The following ZNF362 variants were observed in gnomAD, a reference collection of about 807,000 sequenced individuals.
The protein encoded by ZNF362 is zinc finger protein 362.
ZNF362 carries 11 observed loss-of-function variants against 42.9 expected under a neutral mutation model. The observed-to-expected ratio is 0.26, with a 90% CI of 0.16 to 0.42. The LOEUF (loss-of-function observed/expected upper bound fraction) is 0.42. Among genes scored for constraint, ZNF362 ranks in the 20% least tolerant of loss-of-function variants. ZNF362 has a pLI of 1.00. For synonymous variants in ZNF362, 255 were observed against 257.3 expected (o/e 0.99, Z 0.09); for missense variants, 362 against 576.2 (o/e 0.63, Z 3.81).
At chr1:33,208,290 ATC>A in the ZNF362 span, among the ~76,000 whole-genome samples, 16 of 152,060 alleles carry the variant, frequency 1.1e-4, no homozygotes, top group African/African-American at 3.6e-4. Flanking sequence ...TGATCTATAT[ATC>A]TGTTTTGGTA....
intron 6 of ZNF362, among the ~76,000 whole-genome samples, chr1:33,290,866 T>G (rs1290666942): frequency 6.6e-6 from 1 of 152,276 alleles, no homozygotes; most frequent in African/African-American, 2.4e-5. Context: ...TGTCTTCTTT[T>G]GAGAAGTATC....
chr1:33,177,440 G>A, the ZNF362 span, among the ~76,000 whole-genome samples: 1,310 of 152,226 alleles, frequency 8.6e-3, 12 homozygotes, highest in African/African-American at 0.03. The surrounding 1 kb of genome is among the most constrained non-coding windows in gnomAD (Gnocchi z 4.1). Flanking sequence ...GCAAAGTGAC[G>A]TGACCAAGGA....
chr1:33,164,614 A>G, the ZNF362 span: 7 of 152,386 alleles, frequency 4.6e-5, no homozygotes, highest in African/African-American at 1.7e-4. Context: ...TTTGTTTCCC[A>G]AACCACGGTA....
the ZNF362 span, among the ~76,000 whole-genome samples, chr1:33,194,209 G>A: frequency 3.3e-5 from 5 of 152,128 alleles, no homozygotes; most frequent in Non-Finnish European, 7.4e-5. Flanking sequence ...ACAGAAAGCA[G>A]CACAAAGAGA....
chr1:33,147,146 C>A, the ZNF362 span: 2 of 1,601,976 alleles, frequency 1.2e-6, no homozygotes, highest in Admixed American at 1.7e-5. The surrounding 1 kb of genome is among the most constrained non-coding windows in gnomAD (Gnocchi z 8.1). Flanking sequence ...TGGCAGTGGT[C>A]CCAGGAGGTT....
chr1:33,258,245 C>T (rs1389031661), intron 1 of ZNF362, among the ~76,000 whole-genome samples: 1 of 152,048 alleles, frequency 6.6e-6, no homozygotes, highest in Non-Finnish European at 1.5e-5. Flanking sequence ...CGCAGGCTGC[C>T]GAGGGGGATC....
chr1:33,279,808 A>C (rs1462848463), intron 4 of ZNF362, among the ~76,000 whole-genome samples: 4 of 152,154 alleles, frequency 2.6e-5, no homozygotes, highest in Non-Finnish European at 4.4e-5. Context: ...TGTTTACCGA[A>C]TCCTTCCCTA....
the ZNF362 span, among the ~76,000 whole-genome samples, chr1:33,204,285 T>C: frequency 8.8e-4 from 134 of 152,334 alleles, 2 homozygotes; most frequent in South Asian, 0.013. Context: ...TGACCATATA[T>C]GACTGAGTTT....
the ZNF362 span, among the ~76,000 whole-genome samples, chr1:33,187,669 G>GTC: frequency 6.6e-6 from 1 of 152,140 alleles, no homozygotes; most frequent in Non-Finnish European, 1.5e-5. Flanking sequence ...CTGTCATGAG[G>GTC]ATCCCAAAAT....
At chr1:33,189,682 T>TACAC in the ZNF362 span, among the ~76,000 whole-genome samples, 1,908 of 91,692 alleles carry the variant, frequency 0.021, 60 homozygotes, top group Middle Eastern at 0.042. Flanking sequence ...TGTATATATA[T>TACAC]ACGTATATAT....
At chr1:33,272,366 T>C (rs1039983811) in intron 2 of ZNF362, among the ~76,000 whole-genome samples, 1 of 152,178 alleles carries the variant, frequency 6.6e-6, no homozygotes, top group Non-Finnish European at 1.5e-5. Context: ...TCCCCAGCGC[T>C]GGTCCCAGTT....
the ZNF362 span, among the ~76,000 whole-genome samples, chr1:33,207,531 C>T: frequency 1.3e-5 from 2 of 152,338 alleles, no homozygotes; most frequent in South Asian, 2.1e-4. Flanking sequence ...ACCACACTGT[C>T]TTCCACAATG....
rs1384267836 is a variant in ZNF362 at position 33,295,041 on chromosome 1, A to C, written c.987+26A>C. The C allele has an allele frequency of 1.9e-6, 3 of 1,613,218 alleles. No individual in the cohort carries two copies. The South Asian group carries it at 3.3e-5, about 18-fold the overall frequency. On this transcript the variant is annotated intron_variant, in intron 7 of 8. Coordinates refer to ENST00000539719, the MANE Select transcript of ZNF362 (RefSeq NM_152493.3). The stretch of plus-strand genomic sequence containing the variant: ...GTGAGTGCCTGCCTGCCTCCTGCCC[A>C]CCAGGTGCTCTGGTGCCCCCCCACC...
the ZNF362 span, among the ~76,000 whole-genome samples, chr1:33,194,266 T>G: frequency 1.3e-5 from 2 of 152,178 alleles, no homozygotes; most frequent in Admixed American, 1.3e-4. Flanking sequence ...CTGGGCACGG[T>G]GGCTCACACC....
chr1:33,259,568 CT>C (rs1447579018), intron 1 of ZNF362, among the ~76,000 whole-genome samples: 1 of 152,226 alleles, frequency 6.6e-6, no homozygotes, highest in African/African-American at 2.4e-5. Context: ...TTCCTTTATT[CT>C]TTCATTATCC....
intron 2 of ZNF362, 41 bp from the exon 3 acceptor site, chr1:33,276,059 G>A (rs1645942784): frequency 6.2e-7 from 1 of 1,612,078 alleles, no homozygotes; most frequent in African/African-American, 1.3e-5. Flanking sequence ...CAGGCCTTGG[G>A]GAGGGCTCTC....
At chr1:33,134,088 C>T in the ZNF362 span, among the ~76,000 whole-genome samples, 1 of 152,242 alleles carries the variant, frequency 6.6e-6, no homozygotes, top group East Asian at 1.9e-4. Flanking sequence ...GTTGCCAGGC[C>T]TTCATGCTAT....
In ZNF362 at chr1:33,276,544, C is replaced by A; in HGVS notation, c.299C>A (p.Pro100Gln). Residue 100 changes from proline to glutamine, a missense_variant, in exon 4 of 9, where the codon CCG becomes CAG. By Grantham distance (76) the Pro-to-Gln change is moderately conservative (BLOSUM62 -1). This residue lies in a region of ZNF362 where 266 missense variants were observed against 365.4 expected (regional missense o/e 0.73). Coordinates refer to ENST00000539719, the MANE Select transcript of ZNF362 (RefSeq NM_152493.3). ...QVPGLHPQAVPQPDVALHARP... is the reference protein window; with the variant it reads ...QVPGLHPQAVQQPDVALHARP... ...CCGGGGCTGCATCCACAGGCGGTGCCGCAGCCCGACGTGGCGCTGCACGCA... is the reference window on the plus strand; with the variant it reads ...CCGGGGCTGCATCCACAGGCGGTGCAGCAGCCCGACGTGGCGCTGCACGCA... 6.7e-7 allele frequency: 1 copy of A among 1,493,974 alleles called. No homozygotes were observed. Among genetic ancestry groups the A allele is most frequent in the Non-Finnish European group, 8.9e-7 (1 of 1,126,140 alleles). The allele number at this position is 1,493,974 out of a possible 1,614,324, so 92.5% of individuals were successfully genotyped here.
At chr1:33,143,972 C>A in the ZNF362 span, among the ~76,000 whole-genome samples, 5 of 152,314 alleles carry the variant, frequency 3.3e-5, no homozygotes, top group South Asian at 1.0e-3. Flanking sequence ...ATGTCTCTTG[C>A]CTGAGTCACT....
Sources: allele counts gnomAD v4.1 joint callset (sites outside exome capture counted in the v4.1 genomes callset), GRCh38; gene constraint gnomAD v4.1.1; regional missense constraint gnomAD v4.1.1; non-coding constraint Gnocchi (gnomAD v3.1); transcripts MANE v1.5; gene names NCBI Gene and HGNC (gene_info 2026-07-23, HGNC 2026-07-21).